The following CDKAL1 variants were observed in gnomAD, a reference collection of about 807,000 sequenced individuals.
The protein encoded by CDKAL1 is threonylcarbamoyladenosine tRNA methylthiotransferase.
CDKAL1 carries 32 observed loss-of-function variants against 68.2 expected under a neutral mutation model. That is an observed-to-expected ratio of 0.47 (90% CI 0.35 to 0.63). CDKAL1 has a LOEUF of 0.63. CDKAL1 is among the 30% of genes least tolerant of loss of function. The pLI is 0.00. For missense variants in CDKAL1, 606 were observed against 696.7 expected, an observed-to-expected ratio of 0.87 and a Z score of 1.47; for synonymous variants, 234 against 244.3, an observed-to-expected ratio of 0.96 and a Z score of 0.39.
intron 8 of CDKAL1, among the ~76,000 whole-genome samples, chr6:20,805,170 A>G (rs1289971605): frequency 1.3e-5 from 2 of 152,232 alleles, no homozygotes; most frequent in Admixed American, 6.5e-5. Context: ...GGTAAAGCAC[A>G]GGAAGCCTGT....
chr6:20,795,127 C>T (rs929914518), intron 8 of CDKAL1, among the ~76,000 whole-genome samples: 1 of 152,100 alleles, frequency 6.6e-6, no homozygotes, highest in African/African-American at 2.4e-5. Context: ...CCTTTCCCAT[C>T]CACACTTCTG....
intron 11 of CDKAL1, among the ~76,000 whole-genome samples, chr6:21,055,635 TC>T (rs1471929650): frequency 1.3e-5 from 2 of 152,196 alleles, no homozygotes; most frequent in African/African-American, 4.8e-5. Context: ...AGTTTTCTGT[TC>T]CTGCATTAGT....
intron 4 of CDKAL1, among the ~76,000 whole-genome samples, chr6:20,568,011 G>C (rs1364770484): frequency 2.6e-5 from 4 of 152,100 alleles, no homozygotes; most frequent in East Asian, 3.9e-4. Context: ...AAGTAGCTGG[G>C]ACCACAGGCG....
At chr6:21,129,249 A>T (rs891467969) in intron 13 of CDKAL1, among the ~76,000 whole-genome samples, 1 of 152,164 alleles carries the variant, frequency 6.6e-6, no homozygotes, top group African/African-American at 2.4e-5. Context: ...AGATAATTTT[A>T]TTGTGATTAA....
intron 9 of CDKAL1, among the ~76,000 whole-genome samples, chr6:20,935,099 T>C (rs1025719621): frequency 2.6e-5 from 4 of 152,066 alleles, no homozygotes; most frequent in African/African-American, 4.8e-5. Context: ...TTACACCATG[T>C]TGGCCAGGCT....
chr6:20,726,040 A>C (rs1413709075), intron 5 of CDKAL1, among the ~76,000 whole-genome samples: 2 of 152,046 alleles, frequency 1.3e-5, no homozygotes, highest in East Asian at 3.9e-4. Flanking sequence ...TCCATATCTT[A>C]AAATGGCCCT....
intron 13 of CDKAL1, among the ~76,000 whole-genome samples, chr6:21,170,339 T>TTG (rs778309438): frequency 3.6e-4 from 55 of 152,212 alleles, no homozygotes; most frequent in Non-Finnish European, 1.6e-4. Flanking sequence ...TTGGTTGGTT[T>TTG]GTTGGTTTGT....
At chr6:21,102,710 T>A (rs1773642312) in intron 12 of CDKAL1, among the ~76,000 whole-genome samples, 1 of 152,198 alleles carries the variant, frequency 6.6e-6, no homozygotes, top group Non-Finnish European at 1.5e-5. Context: ...GGAATTGCAC[T>A]CCAGTCTCTT....
intron 4 of CDKAL1, among the ~76,000 whole-genome samples, chr6:20,563,597 T>G (rs755688153): frequency 6.6e-6 from 1 of 151,930 alleles, no homozygotes; most frequent in Non-Finnish European, 1.5e-5. Context: ...TCCTCCCATC[T>G]CAAATTCCCT....
chr6:21,062,616 C>G (rs536222127), intron 11 of CDKAL1, among the ~76,000 whole-genome samples: 29 of 152,152 alleles, frequency 1.9e-4, no homozygotes, highest in Admixed American at 1.8e-3. Context: ...AAGTTCCAGT[C>G]CTTGGAATTT....
At chr6:20,898,314 C>G (rs1277273341) in intron 9 of CDKAL1, among the ~76,000 whole-genome samples, 1 of 150,888 alleles carries the variant, frequency 6.6e-6, no homozygotes, top group Non-Finnish European at 1.5e-5. Flanking sequence ...TCTGCTCATT[C>G]ACGTCCCTCA....
intron 4 of CDKAL1, among the ~76,000 whole-genome samples, chr6:20,642,878 G>A (rs941104219): frequency 9.9e-5 from 15 of 151,254 alleles, no homozygotes; most frequent in Non-Finnish European, 1.8e-4. Flanking sequence ...CAGCCTGGGC[G>A]ACACAGTGAG....
At chr6:20,686,912 T>C (rs1770654448) in intron 5 of CDKAL1, among the ~76,000 whole-genome samples, 1 of 152,210 alleles carries the variant, frequency 6.6e-6, no homozygotes, top group Admixed American at 6.5e-5. Context: ...TTTTGTCAAG[T>C]GTGTCTGTCA....
At chr6:20,815,110 G>A (rs1276463386) in intron 8 of CDKAL1, among the ~76,000 whole-genome samples, 1 of 152,206 alleles carries the variant, frequency 6.6e-6, no homozygotes, top group Non-Finnish European at 1.5e-5. Flanking sequence ...TAATGTAGGA[G>A]GGTAAATCCA....
chr6:20,772,056 C>T (rs142963863), intron 7 of CDKAL1, among the ~76,000 whole-genome samples: 297 of 152,264 alleles, frequency 2.0e-3, no homozygotes, highest in African/African-American at 5.9e-3. Context: ...ATGTCTTGTA[C>T]ATTTTATTGT....
chr6:21,193,036 C>A (rs1778323636), intron 13 of CDKAL1, among the ~76,000 whole-genome samples: 1 of 151,964 alleles, frequency 6.6e-6, no homozygotes. Context: ...CCAGGCTAGT[C>A]TCTAACTCCT....
chr6:20,681,844 C>T (rs1401520821), intron 5 of CDKAL1, among the ~76,000 whole-genome samples: 1 of 152,184 alleles, frequency 6.6e-6, no homozygotes, highest in Non-Finnish European at 1.5e-5. Context: ...GCTGCTCTTA[C>T]AAAATACCAT....
chr6:20,781,346 GA>G, intron 8 of CDKAL1, 81 bp downstream of exon 8: 1 of 1,230,306 alleles, frequency 8.1e-7, no homozygotes, highest in African/African-American at 1.5e-5. Context: ...ATGTGACATA[GA>G]AAAGTAGCTG....
chr6:20,558,126 G>A (rs947101412), intron 4 of CDKAL1, among the ~76,000 whole-genome samples: 3 of 152,138 alleles, frequency 2.0e-5, no homozygotes, highest in African/African-American at 7.2e-5. Context: ...TTTATTCAAA[G>A]CTGCCTTTGT....
Sources: gnomAD v4.1 joint callset for allele counts (sites outside exome capture counted in the v4.1 genomes callset) on GRCh38, gnomAD v4.1.1 for gene constraint, MANE v1.5 for transcripts, NCBI Gene and HGNC (gene_info 2026-07-23, HGNC 2026-07-21) for gene names.